The following LAMA3 variants were observed in gnomAD, a reference collection of about 807,000 sequenced individuals.
LAMA3 encodes laminin subunit alpha 3, also known as laminin subunit alpha-3.
A neutral mutation model predicts 402.0 loss-of-function variants in LAMA3; 281 were observed. That is an observed-to-expected ratio of 0.70 (90% CI 0.63 to 0.77). The LOEUF (loss-of-function observed/expected upper bound fraction) is 0.77. Ranked by LOEUF, LAMA3 falls within the 30% of genes least tolerant of loss-of-function variation. The pLI, the probability that LAMA3 is intolerant of heterozygous loss-of-function variation, is 0.00. For synonymous variants in LAMA3, 1,431 were observed against 1,558.4 expected, an observed-to-expected ratio of 0.92 and a Z score of 1.93; for missense variants, 3,840 against 4,215.5, an observed-to-expected ratio of 0.91 and a Z score of 2.47.
chr18:23,934,525 A>G (rs2082256493), intron 67 of LAMA3, among the ~76,000 whole-genome samples: 2 of 152,192 alleles, frequency 1.3e-5, no homozygotes, highest in Non-Finnish European at 2.9e-5. Flanking sequence ...GGAGCAGAAC[A>G]TTGTGATGAG....
intron 3 of LAMA3, 57 bp downstream of exon 3, chr18:23,748,117 G>A: frequency 9.8e-7 from 1 of 1,015,660 alleles, no homozygotes; most frequent in African/African-American, 1.6e-5. Flanking sequence ...AACAGATAAA[G>A]ACTATGGATT....
intron 60 of LAMA3, among the ~76,000 whole-genome samples, chr18:23,919,922 TA>T (rs1168529388): frequency 1.3e-5 from 2 of 152,046 alleles, no homozygotes; most frequent in African/African-American, 4.8e-5. Context: ...AGGGACTGGC[TA>T]AAAATGTTGT....
chr18:23,842,316 A>ATACTC, intron 27 of LAMA3, 79 bp from the exon 28 acceptor site: 1 of 1,566,120 alleles, frequency 6.4e-7, no homozygotes, highest in Non-Finnish European at 8.8e-7. Flanking sequence ...TAACCTTTGA[A>ATACTC]TACTCTATGA....
chr18:23,804,497 A>G (rs903422352), intron 12 of LAMA3, among the ~76,000 whole-genome samples: 2 of 152,204 alleles, frequency 1.3e-5, no homozygotes, highest in Non-Finnish European at 2.9e-5. Flanking sequence ...AGTAGTTGCT[A>G]CTTCTTGTTC....
At chr18:23,767,832 C>T (rs71360530) in intron 8 of LAMA3, among the ~76,000 whole-genome samples, 8 of 151,900 alleles carry the variant, frequency 5.3e-5, no homozygotes, top group South Asian at 2.1e-4. Context: ...TTCAGCCTCC[C>T]GAAGTGCTGG....
At chr18:23,694,671 C>G (rs899837171) in intron 1 of LAMA3, among the ~76,000 whole-genome samples, 1 of 152,200 alleles carries the variant, frequency 6.6e-6, no homozygotes, top group African/African-American at 2.4e-5. Context: ...CGCTCTTACC[C>G]GCTATACTAC....
In LAMA3 at chr18:23,689,937, T is replaced by G; in HGVS notation, c.254T>G (p.Val85Gly). 1 of 1,524,932 alleles carries G rather than the reference T, an allele frequency of 6.6e-7. No homozygotes were observed. The highest frequency in any genetic ancestry group is 8.8e-7 in the Non-Finnish European group (1 of 1,135,740). 94.5% of individuals were successfully genotyped at this position (1,524,932 alleles called of 1,614,324 possible). Residue 85 changes from valine (V) to glycine (G), a missense_variant, in exon 1 of 75, where the codon GTC (valine) becomes GGC (glycine). Physicochemically the swap from Val to Gly is moderately radical, Grantham distance 109 (BLOSUM62 -3). Around this residue, in one of 3 missense-constraint regions of LAMA3, gnomAD observed 2,109 missense variants for 2,376.0 expected, o/e 0.89. Coordinates refer to ENST00000313654, the MANE Select transcript of LAMA3 (RefSeq NM_198129.4). ...CAGCCCGAGCTCTACTGCAAGTTGGTCGGGGGCCCCACCGCCCCAGGCAGC... is the reference window on the plus strand; with the variant it reads ...CAGCCCGAGCTCTACTGCAAGTTGGGCGGGGGCCCCACCGCCCCAGGCAGC... ...RPQPELYCKL[V>G]GGPTAPGSGH...
chr18:23,791,045 C>T (rs987016365), intron 12 of LAMA3, among the ~76,000 whole-genome samples: 1 of 152,140 alleles, frequency 6.6e-6, no homozygotes, highest in Non-Finnish European at 1.5e-5. Context: ...CCCGCCACTG[C>T]GCCCGGCTAA....
chr18:23,932,265 T>C lies in LAMA3; in HGVS notation c.8682T>C (p.Gly2894=), dbSNP rs1458115178. 1.2e-6 allele frequency: 2 copies of C among 1,614,046 alleles called. No homozygotes were observed. Among genetic ancestry groups the C allele is most frequent in the Non-Finnish European group, 1.7e-6 (2 of 1,179,936 alleles). Residue 2894 remains glycine, a synonymous_variant, in exon 66 of 75, where the codon GGT becomes GGC. Coordinates refer to ENST00000313654, the MANE Select transcript of LAMA3 (RefSeq NM_198129.4). The part of the protein sequence containing the change: ...SLRLGGSNFE[G]CISNVFVQRL... ...GTCTGGGCGGGAGCAATTTTGAGGG[T>C]TGTATTAGCAATGTTTTTGTCCAGA...
intron 60 of LAMA3, among the ~76,000 whole-genome samples, chr18:23,920,028 A>T (rs1306632533): frequency 5.9e-5 from 9 of 152,080 alleles, no homozygotes. Context: ...ATCAAGAATG[A>T]TTCCTAGGTT....
intron 4 of LAMA3, 60 bp downstream of exon 4, chr18:23,749,606 A>T (rs1598714363): frequency 2.0e-6 from 2 of 1,019,812 alleles, no homozygotes; most frequent in East Asian, 4.7e-5. Context: ...AGGATATCCA[A>T]TTTTTCATAA....
chr18:23,794,396 A>G (rs1277358715), intron 12 of LAMA3, among the ~76,000 whole-genome samples: 3 of 152,222 alleles, frequency 2.0e-5, no homozygotes, highest in Non-Finnish European at 4.4e-5. Context: ...ACCGCTATAT[A>G]TCATGATACC....
intron 44 of LAMA3, among the ~76,000 whole-genome samples, chr18:23,897,825 T>C (rs997364201): frequency 2.0e-5 from 3 of 152,304 alleles, no homozygotes; most frequent in East Asian, 1.9e-4. Flanking sequence ...TGAATGCTCA[T>C]ATGTACATGA....
intron 42 of LAMA3, 90 bp from the exon 43 acceptor site, chr18:23,894,208 G>T (rs867145912): frequency 6.7e-6 from 7 of 1,045,426 alleles, no homozygotes; most frequent in African/African-American, 4.7e-5. Flanking sequence ...ATAAAACTTT[G>T]CAAAACTAGC....
chr18:23,775,801 G>A lies in LAMA3; in HGVS notation c.1283G>A (p.Cys428Tyr). Residue 428 changes from cysteine to tyrosine, a missense_variant, in exon 10 of 75, where the codon TGT (cysteine) becomes TAT (tyrosine). Around this residue, in one of 3 missense-constraint regions of LAMA3, gnomAD observed 2,109 missense variants for 2,376.0 expected, o/e 0.89. Transcript: ENST00000313654. ...CTGGGATTTCTCTTAGCCTGCAGCT[G>A]TGACCCTGAGCATGCGGATGGCTGT... is the stretch of plus-strand genomic sequence containing the variant. ...DAPDGCIPCS[C>Y]DPEHADGCEQ... 6.2e-7 allele frequency: 1 copy of A among 1,614,024 alleles called. No individual in the cohort carries two copies. Among genetic ancestry groups the A allele is most frequent in the African/African-American group, 1.3e-5 (1 of 75,052 alleles).
intron 1 of LAMA3, among the ~76,000 whole-genome samples, chr18:23,711,832 C>T (rs2060995759): frequency 6.6e-6 from 1 of 152,194 alleles, no homozygotes; most frequent in African/African-American, 2.4e-5. Flanking sequence ...TTGAGAATCA[C>T]TCTAACAACC....
chr18:23,759,645 G>A (rs753398343), intron 7 of LAMA3, among the ~76,000 whole-genome samples: 2 of 152,184 alleles, frequency 1.3e-5, no homozygotes, highest in Admixed American at 6.5e-5. Flanking sequence ...AGCCTCTTGG[G>A]ATCCACCCAC....
At chr18:23,904,235 C>T (rs1481920477) in intron 50 of LAMA3, 148 bp downstream of exon 50, 2 of 896,750 alleles carry the variant, frequency 2.2e-6, no homozygotes, top group Non-Finnish European at 3.6e-6. Context: ...GCCCCAGGCC[C>T]AAGTCAGAAG....
chr18:23,875,595 A>G (rs11662907), intron 38 of LAMA3, among the ~76,000 whole-genome samples: 121,440 of 151,972 alleles, frequency 0.8, 49,240 homozygotes, highest in African/African-American at 0.95. Context: ...GAGTGGCAAT[A>G]AAGTGACTCC....
Sources: gnomAD v4.1 joint callset for allele counts (sites outside exome capture counted in the v4.1 genomes callset) on GRCh38, gnomAD v4.1.1 for gene constraint, gnomAD v4.1.1 regional missense constraint, MANE v1.5 for transcripts, NCBI Gene and HGNC (gene_info 2026-07-23, HGNC 2026-07-21) for gene names.